The following ITPR1 variants were observed in gnomAD, a reference collection of about 807,000 sequenced individuals.
ITPR1 encodes inositol 1,4,5-trisphosphate receptor type 1.
In ITPR1, 96 loss-of-function variants were observed where a neutral mutation model predicts 318.4. The ratio of observed to expected loss-of-function variants is 0.30; its 90% confidence interval spans 0.26 to 0.36. The LOEUF is 0.36. ITPR1 is among the 10% of genes least tolerant of loss of function. The pLI, the probability that ITPR1 is intolerant of heterozygous loss-of-function variation, is 1.00. For synonymous variants in ITPR1, 1,312 were observed against 1,289.9 expected, an observed-to-expected ratio of 1.02 and a Z score of -0.37; for missense variants, 2,440 against 3,460.2, an observed-to-expected ratio of 0.71 and a Z score of 7.40.
intron 4 of ITPR1, among the ~76,000 whole-genome samples, chr3:4,540,362 TTC>T (rs2084318413): frequency 6.6e-6 from 1 of 152,194 alleles, no homozygotes; most frequent in African/African-American, 2.4e-5. Flanking sequence ...TACTTTTAAA[TTC>T]TCTGTCATTA....
chr3:4,593,022 A>G (rs2090512526), intron 4 of ITPR1, among the ~76,000 whole-genome samples: 1 of 152,236 alleles, frequency 6.6e-6, no homozygotes, highest in Non-Finnish European at 1.5e-5. Context: ...ATCGTCTGAT[A>G]ACTGAGGACC....
intron 45 of ITPR1, chr3:4,768,242 A>G: frequency 2.9e-6 from 1 of 348,040 alleles, no homozygotes; most frequent in Non-Finnish European, 5.2e-6. Context: ...TAGATGTGTG[A>G]GGCTGACAGA....
intron 4 of ITPR1, among the ~76,000 whole-genome samples, chr3:4,534,787 A>G (rs1246738190): frequency 1.3e-5 from 2 of 152,346 alleles, no homozygotes; most frequent in African/African-American, 4.8e-5. Context: ...GACTTATGCT[A>G]GCAAATTTCT....
rs137892009 is a variant in ITPR1, at chr3:4,810,656, C to T, written c.7273-609C>T. On this transcript the variant is annotated intron_variant, in intron 55 of 61. Coordinates refer to ENST00000649015, the MANE Select transcript of ITPR1 (RefSeq NM_001378452.1). ...GGATGCCAGTGTGCTAAGCACTGTG[C>T]GTACGTGGTTTACTTATTCTTCATA... 3.9e-5 allele frequency among the ~76,000 whole-genome samples: 6 copies of T among 152,324 alleles called. No homozygotes were observed. The East Asian group carries it at 7.7e-4, about 20-fold the overall frequency.
intron 60 of ITPR1, chr3:4,825,999 T>C (rs559595741): frequency 9.6e-5 from 34 of 355,614 alleles, no homozygotes; most frequent in African/African-American, 6.4e-4. Context: ...AACTCAGAAG[T>C]TGGAGTCCCT....
intron 4 of ITPR1, among the ~76,000 whole-genome samples, chr3:4,549,545 TTTTC>T (rs567258718): frequency 1.1e-3 from 165 of 144,506 alleles, no homozygotes; most frequent in African/African-American, 3.8e-3. Context: ...TCCTTTCCCC[TTTTC>T]TTTCTTTTCT....
intron 12 of ITPR1, among the ~76,000 whole-genome samples, chr3:4,657,612 C>T (rs534917229): frequency 4.6e-5 from 7 of 151,900 alleles, no homozygotes; most frequent in East Asian, 3.9e-4. Context: ...GGATTACAGG[C>T]GCCTGCCACC....
At chr3:4,752,552 A>G (rs1018645041) in intron 44 of ITPR1, among the ~76,000 whole-genome samples, 3 of 152,234 alleles carry the variant, frequency 2.0e-5, no homozygotes, top group Non-Finnish European at 2.9e-5. Context: ...GAGCTTTCAC[A>G]TGCAGGCTTC....
intron 7 of ITPR1, among the ~76,000 whole-genome samples, chr3:4,643,015 T>A (rs1308510250): frequency 6.6e-6 from 1 of 152,236 alleles, no homozygotes; most frequent in African/African-American, 2.4e-5. Flanking sequence ...GTTTTGACAC[T>A]TTTTAATAGT....
chr3:4,752,290 G>A (rs764294983), intron 44 of ITPR1, among the ~76,000 whole-genome samples: 33 of 152,318 alleles, frequency 2.2e-4, no homozygotes, highest in Non-Finnish European at 4.0e-4. Context: ...AGTCTGGGGA[G>A]GGAGCCAGGT....
intron 44 of ITPR1, among the ~76,000 whole-genome samples, chr3:4,740,551 A>G (rs777593476): frequency 7.2e-5 from 11 of 152,186 alleles, no homozygotes; most frequent in Non-Finnish European, 1.5e-4. Flanking sequence ...CCTGTCATCC[A>G]TCACATCATC....
chr3:4,769,893 G>A (rs758169746), intron 46 of ITPR1, among the ~76,000 whole-genome samples: 2 of 152,206 alleles, frequency 1.3e-5, no homozygotes, highest in Non-Finnish European at 2.9e-5. Context: ...CTGGATCTGC[G>A]GAGGGCCCTC....
chr3:4,703,237 C>A (rs1366161658), intron 36 of ITPR1, among the ~76,000 whole-genome samples: 1 of 152,192 alleles, frequency 6.6e-6, no homozygotes, highest in East Asian at 1.9e-4. Flanking sequence ...ATACACACAG[C>A]TTATTCAAGG....
intron 4 of ITPR1, among the ~76,000 whole-genome samples, chr3:4,534,033 G>A (rs1401497746): frequency 2.0e-5 from 3 of 152,206 alleles, no homozygotes; most frequent in Non-Finnish European, 4.4e-5. Flanking sequence ...AGAGGTTTCT[G>A]CCAGCCAGCC....
chr3:4,584,775 A>AC (rs141696671), intron 4 of ITPR1, among the ~76,000 whole-genome samples: 3,784 of 151,622 alleles, frequency 0.025, 72 homozygotes, highest in Middle Eastern at 0.071. Flanking sequence ...TCACAGAAAG[A>AC]CCCCCGTTCA....
intron 45 of ITPR1, 161 bp from the exon 46 acceptor site, chr3:4,768,350 G>A (rs1360397311): frequency 2.5e-6 from 2 of 798,800 alleles, no homozygotes; most frequent in Non-Finnish European, 3.8e-6. Flanking sequence ...TTTTAATCCT[G>A]TCTGAGGACT....
intron 12 of ITPR1, 142 bp from the exon 13 acceptor site, chr3:4,657,982 T>G (rs2093750935): frequency 1.5e-6 from 1 of 686,124 alleles, no homozygotes; most frequent in African/African-American, 1.8e-5. Context: ...CTTTTAGGAC[T>G]GCTCTGTAAC....
chr3:4,548,678 C>G (rs534447224), intron 4 of ITPR1, among the ~76,000 whole-genome samples: 103 of 152,258 alleles, frequency 6.8e-4, no homozygotes, highest in African/African-American at 2.4e-3. Flanking sequence ...ATGTCTCAGT[C>G]AAGTCAGGAG....
intron 4 of ITPR1, among the ~76,000 whole-genome samples, chr3:4,611,184 C>T: frequency 7.1e-6 from 1 of 141,108 alleles, no homozygotes; most frequent in Non-Finnish European, 1.5e-5. Context: ...TGCTCAAGCA[C>T]AGGAGGTTGA....
Sources: gnomAD v4.1 joint callset for allele counts (sites outside exome capture counted in the v4.1 genomes callset) on GRCh38, gnomAD v4.1.1 for gene constraint, MANE v1.5 for transcripts, NCBI Gene and HGNC (gene_info 2026-07-23, HGNC 2026-07-21) for gene names.